Variants in POLR3B observed in about 807,000 individuals in gnomAD.
The protein encoded by POLR3B is RNA polymerase III subunit B.
A neutral mutation model predicts 147.4 loss-of-function variants in POLR3B; 96 were observed. The observed-to-expected ratio is 0.65, with a 90% CI of 0.55 to 0.77. POLR3B has a LOEUF of 0.77. Ranked by LOEUF, POLR3B falls within the 30% of genes least tolerant of loss-of-function variation. POLR3B has a pLI of 0.00. For missense variants in POLR3B, 1,036 were observed against 1,413.5 expected (o/e 0.73, Z 4.28); for synonymous variants, 461 against 485.9 (o/e 0.95, Z 0.67).
Position 106,443,032 on chromosome 12 carries a change from C to G in POLR3B, c.1956-1431C>G, listed in dbSNP as rs568741562. ...CAGAGCTGTCCAGTAAAATAAAATG[C>G]AAGCCACCTATATAACCTCAAACTT... On this transcript the variant is annotated intron_variant, in intron 18 of 27. Transcript: ENST00000228347. Among the ~76,000 whole-genome samples, 4 of 152,260 alleles carry G rather than the reference C, an allele frequency of 2.6e-5. No homozygotes were observed. In the East Asian group the frequency reaches 7.7e-4, roughly 29 times the overall value.
At chr12:106,404,753 TTTTA>T (rs1285707855) in intron 10 of POLR3B, among the ~76,000 whole-genome samples, 2 of 152,312 alleles carry the variant, frequency 1.3e-5, no homozygotes, top group East Asian at 3.9e-4. Flanking sequence ...AGGAGGATTT[TTTTA>T]TTTGTTTAGC....
At chr12:106,452,930 T>C (rs2037815046) in intron 19 of POLR3B, among the ~76,000 whole-genome samples, 1 of 152,168 alleles carries the variant, frequency 6.6e-6, no homozygotes, top group South Asian at 2.1e-4. Context: ...AGCATGGCAC[T>C]GCACTAGGTA....
intron 23 of POLR3B, among the ~76,000 whole-genome samples, chr12:106,484,677 G>A (rs532101204): frequency 1.9e-3 from 285 of 152,044 alleles, no homozygotes; most frequent in Middle Eastern, 3.4e-3. Context: ...TAAAAGAGTG[G>A]ATGGTTTAGA....
chr12:106,468,835 A>T (rs2038045822), intron 23 of POLR3B, among the ~76,000 whole-genome samples: 1 of 152,086 alleles, frequency 6.6e-6, no homozygotes, highest in African/African-American at 2.4e-5. Context: ...GTTCTTTTAC[A>T]TTTGCTGAGG....
intron 2 of POLR3B, 79 bp downstream of exon 2, chr12:106,363,981 A>C: frequency 9.3e-7 from 1 of 1,071,870 alleles, no homozygotes; most frequent in Non-Finnish European, 1.4e-6. Context: ...TTAAAGATTA[A>C]ATTTTTGTCA....
chr12:106,478,724 A>T (rs1592765248), intron 23 of POLR3B, among the ~76,000 whole-genome samples: 1 of 152,134 alleles, frequency 6.6e-6, no homozygotes, highest in African/African-American at 2.4e-5. Context: ...ATTTCTCTTA[A>T]GTATAATTTT....
intron 11 of POLR3B, among the ~76,000 whole-genome samples, chr12:106,409,346 G>GTTTT (rs138257827): frequency 0.034 from 2,277 of 67,264 alleles, 318 homozygotes; most frequent in African/African-American, 0.072. Context: ...TTGTAAGAGG[G>GTTTT]TTTTTTTTGT....
intron 25 of POLR3B, among the ~76,000 whole-genome samples, chr12:106,500,405 T>C (rs1217184902): frequency 6.6e-6 from 1 of 152,122 alleles, no homozygotes; most frequent in Admixed American, 6.5e-5. Flanking sequence ...GGGTCACAGG[T>C]GCTGGAGCCA....
rs1391101617 is a variant in POLR3B, at chr12:106,421,900, AT to A, written c.1102-5296del. On this transcript the variant is annotated intron_variant, in intron 12 of 27. Transcript: ENST00000228347. ...TTTTTAGTAGAGATGGAGTTTCACC[AT>A]GTTGGCCAGGCTGGTCTCGAACTCC... Among the ~76,000 whole-genome samples, 21 of 152,130 alleles carry A rather than the reference AT, an allele frequency of 1.4e-4. 1 individual carries two copies. Among genetic ancestry groups the A allele is most frequent in the African/African-American group, 4.8e-4 (20 of 41,498 alleles).
At chr12:106,376,315 T>C (rs1002557352) in intron 6 of POLR3B, 44 bp from the exon 7 acceptor site, 6 of 1,349,134 alleles carry the variant, frequency 4.4e-6, no homozygotes, top group Non-Finnish European at 6.3e-6. Context: ...CTTTTATCAT[T>C]GACAGCCTAC....
intron 23 of POLR3B, among the ~76,000 whole-genome samples, chr12:106,486,012 A>G (rs942413476): frequency 6.6e-6 from 1 of 152,128 alleles, no homozygotes; most frequent in African/African-American, 2.4e-5. Flanking sequence ...GAGATTGGCC[A>G]GGCGCGGTGG....
chr12:106,379,110 T>TA (rs1418071788), intron 8 of POLR3B, among the ~76,000 whole-genome samples: 1 of 152,176 alleles, frequency 6.6e-6, no homozygotes, highest in Non-Finnish European at 1.5e-5. Context: ...CCAGGCAAAA[T>TA]ACTAGGTATA....
chr12:106,435,799 C>G (rs749142190), intron 16 of POLR3B, among the ~76,000 whole-genome samples: 3 of 152,094 alleles, frequency 2.0e-5, no homozygotes, highest in Non-Finnish European at 4.4e-5. Context: ...CTAGGTTACT[C>G]TTTTTTAGGA....
Position 106,378,258 on chromosome 12 carries a change from T to C in POLR3B, c.497-9T>C. 1 of 1,538,486 alleles carries C rather than the reference T, an allele frequency of 6.5e-7. No homozygotes were observed. The highest frequency in any genetic ancestry group is 9.0e-7 in the Non-Finnish European group (1 of 1,110,910). On this transcript the variant is annotated splice_polypyrimidine_tract_variant and intron_variant, in intron 7 of 27. Transcript: ENST00000228347. Reference sequence around the variant, plus strand: ...AAATGATGAAGTTTTTCTTGTTTCCTTTGGGTAGGTGGCTACTTCATTGTT... The same window carrying C: ...AAATGATGAAGTTTTTCTTGTTTCCCTTGGGTAGGTGGCTACTTCATTGTT...
At chr12:106,366,629 C>T in intron 3 of POLR3B, 29 bp from the exon 4 acceptor site, 1 of 1,607,514 alleles carries the variant, frequency 6.2e-7, no homozygotes, top group South Asian at 1.1e-5. Context: ...AAGCCAGAGT[C>T]TTTGCTAATG....
At chr12:106,437,550 C>G in intron 17 of POLR3B, 131 bp from the exon 18 acceptor site, 12 of 683,684 alleles carry the variant, frequency 1.8e-5, no homozygotes, top group South Asian at 1.7e-4. Flanking sequence ...TTCAGGTATC[C>G]CAATGTAATG....
At chr12:106,431,091 G>T (rs904086966) in intron 14 of POLR3B, among the ~76,000 whole-genome samples, 4 of 152,146 alleles carry the variant, frequency 2.6e-5, no homozygotes, top group Admixed American at 1.3e-4. Flanking sequence ...GTTCACCATT[G>T]TATCTCAAGC....
chr12:106,357,820 C>G lies in POLR3B; in HGVS notation c.-60C>G. 2 of 1,533,434 alleles carry G rather than the reference C, an allele frequency of 1.3e-6. No individual in the cohort carries two copies. Among genetic ancestry groups the G allele is most frequent in the East Asian group, 2.3e-5 (1 of 43,706 alleles). 95.0% of individuals were successfully genotyped at this position (1,533,434 alleles called of 1,614,324 possible). Reference sequence around the variant, plus strand: ...CGTTCGCCGGGAGTCTTGCAGTTTGCTTGGTGCAGGGAAGGCGGGCGCGGA... The same window carrying G: ...CGTTCGCCGGGAGTCTTGCAGTTTGGTTGGTGCAGGGAAGGCGGGCGCGGA... On this transcript the variant is annotated 5_prime_UTR_variant, in exon 1 of 28. Coordinates refer to ENST00000228347, the MANE Select transcript of POLR3B (RefSeq NM_018082.6).
intron 11 of POLR3B, among the ~76,000 whole-genome samples, chr12:106,406,801 T>C (rs1251138913): frequency 2.0e-5 from 3 of 152,248 alleles, no homozygotes; most frequent in Admixed American, 6.5e-5. Flanking sequence ...TCCCATTTAA[T>C]GTATATGCTA....
Sources: gnomAD v4.1 joint callset for allele counts (sites outside exome capture counted in the v4.1 genomes callset) on GRCh38, gnomAD v4.1.1 for gene constraint, MANE v1.5 for transcripts, NCBI Gene and HGNC (gene_info 2026-07-23, HGNC 2026-07-21) for gene names.